The following RBFOX3 variants were observed in gnomAD, a reference collection of about 807,000 sequenced individuals.
The protein encoded by RBFOX3 is RNA binding fox-1 homolog 3.
RBFOX3 carries 17 observed loss-of-function variants against 48.7 expected under a neutral mutation model. The observed-to-expected ratio is 0.35, with a 90% confidence interval of 0.24 to 0.52. RBFOX3 has a LOEUF of 0.52. Among genes scored for constraint, RBFOX3 ranks in the 20% least tolerant of loss-of-function variants. The probability of loss-of-function intolerance (pLI) is 0.94; values close to 1 mark genes in which losing one functional copy is unlikely to be tolerated. For missense variants in RBFOX3, 382 were observed against 497.5 expected (o/e 0.77, Z 2.21); for synonymous variants, 212 against 209.5 (o/e 1.01, Z -0.10).
intron 1 of RBFOX3, among the ~76,000 whole-genome samples, chr17:79,510,162 C>T (rs1201188691): frequency 2.6e-5 from 4 of 152,094 alleles, no homozygotes; most frequent in South Asian, 2.1e-4. Flanking sequence ...CTGCAGTGGA[C>T]GGGTGGTGGA....
In RBFOX3 at chr17:79,274,692, G is replaced by A. The variant is rs114607394; in HGVS notation, c.-74+33032C>T. On this transcript the variant is annotated intron_variant, in intron 3 of 14. Coordinates refer to ENST00000693108, the MANE Select transcript of RBFOX3 (RefSeq NM_001350451.2). ...CCCCCAAGAGGCTGGGGGCACAGACGTCTCCACCTGGCTCACTCCCCGCTA... is the reference window on the plus strand; with the variant it reads ...CCCCCAAGAGGCTGGGGGCACAGACATCTCCACCTGGCTCACTCCCCGCTA... Among the ~76,000 whole-genome samples, 529 of 152,076 alleles carry A rather than the reference G, an allele frequency of 3.5e-3. 7 individuals are homozygous for A. Among genetic ancestry groups the A allele is most frequent in the African/African-American group, 0.012 (501 of 41,488 alleles).
chr17:79,620,104 CATGCACGCAT>C, the RBFOX3 span, among the ~76,000 whole-genome samples: 1 of 134,698 alleles, frequency 7.4e-6, no homozygotes, highest in South Asian at 2.1e-4. Flanking sequence ...CACATGTGTG[CATGCACGCAT>C]ATGCACACAT....
intron 3 of RBFOX3, among the ~76,000 whole-genome samples, chr17:79,258,817 C>A (rs1389683592): frequency 6.6e-6 from 1 of 152,206 alleles, no homozygotes; most frequent in East Asian, 1.9e-4. Context: ...TCCTCCTGCT[C>A]TGCCGATGAC....
At chr17:79,248,803 G>A (rs767978892) in intron 3 of RBFOX3, among the ~76,000 whole-genome samples, 2 of 152,220 alleles carry the variant, frequency 1.3e-5, no homozygotes, top group Admixed American at 6.5e-5. Flanking sequence ...CTGGCAGGGA[G>A]TGTTGGGTGT....
intron 4 of RBFOX3, among the ~76,000 whole-genome samples, chr17:79,216,960 G>A (rs1460265711): frequency 6.6e-6 from 1 of 152,138 alleles, no homozygotes; most frequent in Non-Finnish European, 1.5e-5. Flanking sequence ...CGTGGTGGCA[G>A]CCCTCCTCCA....
intron 14 of RBFOX3, among the ~76,000 whole-genome samples, chr17:79,091,458 A>G (rs1301494515): frequency 6.6e-6 from 1 of 152,198 alleles, no homozygotes; most frequent in Non-Finnish European, 1.5e-5. Context: ...CAAGCTGCCC[A>G]CGGCTGTGCT....
chr17:79,390,587 C>T lies in RBFOX3; in HGVS notation c.-174-82763G>A, dbSNP rs2148180343. 6.6e-6 allele frequency among the ~76,000 whole-genome samples: 1 copy of T among 152,210 alleles called. No homozygotes were observed. Among genetic ancestry groups the T allele is most frequent in the South Asian group, 2.1e-4 (1 of 4,822 alleles). Reference sequence around the variant, plus strand: ...CTGCCTCTCAGGTTCAAGTGATTCTCCTGCCTCAGCCTCCCAAGTAGCTGG... The same window carrying T: ...CTGCCTCTCAGGTTCAAGTGATTCTTCTGCCTCAGCCTCCCAAGTAGCTGG... On this transcript the variant is annotated intron_variant, in intron 2 of 14. Transcript: ENST00000693108. The surrounding 1 kb of genome is among the most constrained non-coding windows in gnomAD (Gnocchi z 4.2).
chr17:79,331,341 G>T (rs1365967785), intron 2 of RBFOX3, among the ~76,000 whole-genome samples: 1 of 152,058 alleles, frequency 6.6e-6, no homozygotes, highest in Admixed American at 6.5e-5. Context: ...TGGCCACACT[G>T]CCTCTCCCCT....
intron 2 of RBFOX3, among the ~76,000 whole-genome samples, chr17:79,345,900 C>T (rs2082834879): frequency 6.6e-6 from 1 of 151,890 alleles, no homozygotes; most frequent in Non-Finnish European, 1.5e-5. Flanking sequence ...AGACATTTTC[C>T]TCTATGAGAT....
chr17:79,505,536 C>A (rs1278409087), intron 1 of RBFOX3, among the ~76,000 whole-genome samples: 4 of 152,246 alleles, frequency 2.6e-5, no homozygotes, highest in Non-Finnish European at 5.9e-5. Context: ...TCACCTCCCC[C>A]AGTGCTTGCC....
intron 1 of RBFOX3, among the ~76,000 whole-genome samples, chr17:79,573,794 T>G (rs2144624160): frequency 6.6e-6 from 1 of 152,324 alleles, no homozygotes; most frequent in East Asian, 1.9e-4. Flanking sequence ...TTGGAGTTTT[T>G]CTCTCTGAAT....
chr17:79,282,872 G>T (rs940587351), intron 3 of RBFOX3, among the ~76,000 whole-genome samples: 1 of 152,268 alleles, frequency 6.6e-6, no homozygotes, highest in African/African-American at 2.4e-5. Flanking sequence ...CACAAAACAA[G>T]ACTGACCCTC....
rs925520656 is a variant in RBFOX3 at position 79,482,276 on chromosome 17, G to A, written c.-175+178C>T. Among the ~76,000 whole-genome samples the A allele has an allele frequency of 2.6e-5, 4 of 152,104 alleles. No individual in the cohort carries two copies. Among genetic ancestry groups the A allele is most frequent in the African/African-American group, 7.2e-5 (3 of 41,438 alleles). ...CTACCCCATACCTTCTTGGGCGTCC[G>A]TCGATGTTCCCCCTCCTACTCCACA... On this transcript the variant is annotated intron_variant, in intron 2 of 14. Coordinates refer to ENST00000693108, the MANE Select transcript of RBFOX3 (RefSeq NM_001350451.2). The surrounding 1 kb of genome is among the most constrained non-coding windows in gnomAD (Gnocchi z 4.1).
At chr17:79,593,737 C>T (rs1037482502) in intron 1 of RBFOX3, among the ~76,000 whole-genome samples, 16 of 152,282 alleles carry the variant, frequency 1.1e-4, no homozygotes, top group African/African-American at 3.1e-4. Flanking sequence ...AGTCGGGGAG[C>T]GACGGAACCC....
chr17:79,503,324 T>G (rs1446201932), intron 1 of RBFOX3, among the ~76,000 whole-genome samples: 2 of 152,206 alleles, frequency 1.3e-5, no homozygotes, highest in African/African-American at 4.8e-5. Flanking sequence ...CCAGTCTCCC[T>G]CTGCCCCGGA....
At chr17:79,374,721 C>T (rs2085349) in intron 2 of RBFOX3, among the ~76,000 whole-genome samples, 83,876 of 151,862 alleles carry the variant, frequency 0.55, 24,768 homozygotes, top group East Asian at 0.74. Flanking sequence ...AAGAACACTC[C>T]ATATCAAAAC....
intron 3 of RBFOX3, among the ~76,000 whole-genome samples, chr17:79,302,573 T>A (rs2075485455): frequency 6.6e-6 from 1 of 152,006 alleles, no homozygotes; most frequent in Non-Finnish European, 1.5e-5. Flanking sequence ...CCCAGCTACT[T>A]GGGAGGCTGA....
At chr17:79,647,979 AGTG>A in the RBFOX3 span, among the ~76,000 whole-genome samples, 1 of 150,960 alleles carries the variant, frequency 6.6e-6, no homozygotes, top group East Asian at 2.0e-4. Context: ...CTGGGGGTGC[AGTG>A]GTGGACACAG....
chr17:79,368,161 A>G (rs530963545), intron 2 of RBFOX3, among the ~76,000 whole-genome samples: 2 of 152,258 alleles, frequency 1.3e-5, no homozygotes, highest in South Asian at 2.1e-4. Flanking sequence ...ACGGGATCCC[A>G]CGGGATGGGT....
Sources: allele counts gnomAD v4.1 joint callset (sites outside exome capture counted in the v4.1 genomes callset), GRCh38; gene constraint gnomAD v4.1.1; non-coding constraint Gnocchi (gnomAD v3.1); transcripts MANE v1.5; gene names NCBI Gene and HGNC (gene_info 2026-07-23, HGNC 2026-07-21).